Variants in ROBO2 observed in about 807,000 individuals in gnomAD.
The protein encoded by ROBO2 is roundabout guidance receptor 2.
ROBO2 carries 53 observed loss-of-function variants against 160.8 expected under a neutral mutation model. The ratio of observed to expected loss-of-function variants is 0.33; its 90% confidence interval spans 0.26 to 0.41. ROBO2 has a LOEUF of 0.41. Ranked by LOEUF, ROBO2 falls within the 10% of genes least tolerant of loss-of-function variation. The pLI, the probability that ROBO2 is intolerant of heterozygous loss-of-function variation, is 1.00. For synonymous variants in ROBO2, 664 were observed against 611.7 expected, an observed-to-expected ratio of 1.09 and a Z score of -1.26; for missense variants, 1,577 against 1,722.4, an observed-to-expected ratio of 0.92 and a Z score of 1.49.
At chr3:76,798,440 T>C (rs1401228819) in intron 2 of ROBO2, among the ~76,000 whole-genome samples, 1 of 152,180 alleles carries the variant, frequency 6.6e-6, no homozygotes, top group Non-Finnish European at 1.5e-5. Flanking sequence ...CAATAGGGAT[T>C]CATACCAGTG....
intron 2 of ROBO2, among the ~76,000 whole-genome samples, chr3:77,365,164 A>G (rs1467494533): frequency 1.5e-4 from 22 of 151,610 alleles, no homozygotes; most frequent in African/African-American, 3.4e-4. Context: ...AAAAAAAAAA[A>G]AAAGAAAGAA....
intron 2 of ROBO2, 110 bp from the exon 3 acceptor site, chr3:77,477,304 C>A: frequency 9.2e-7 from 1 of 1,091,758 alleles, no homozygotes; most frequent in Non-Finnish European, 1.4e-6. Flanking sequence ...AGTAAAAATC[C>A]AGGCAATTTT....
chr3:76,762,445 G>GT (rs71104618), intron 2 of ROBO2, among the ~76,000 whole-genome samples: 28,118 of 140,100 alleles, frequency 0.2, 2,817 homozygotes, highest in Non-Finnish European at 0.23. Flanking sequence ...GAATCCAGCT[G>GT]TTTTTTTTTT....
In ROBO2 at chr3:76,683,463, GAA is replaced by G. The variant is rs5850282; in HGVS notation, c.110-414535_110-414534del. The stretch of plus-strand genomic sequence containing the variant: ...GTTCTTTTTATAAGTAACCCCCACC[GAA>G]AAAAAAAAAAAAAAACCTGGAAAAC... On this transcript the variant is annotated intron_variant, in intron 2 of 26. Transcript: ENST00000487694. Among the ~76,000 whole-genome samples the G allele has an allele frequency of 3.1e-3, 369 of 117,672 alleles. 2 individuals carry two copies. Among genetic ancestry groups the G allele is most frequent in the African/African-American group, 0.01 (349 of 33,508 alleles). The allele number at this position is 117,672 out of a possible 152,430, so 77.2% of individuals were successfully genotyped here. A position where few individuals can be genotyped will look rare whatever the true frequency, so the allele number is the denominator to read the frequency against.
chr3:76,104,387 T>C (rs2069832492), intron 2 of ROBO2, among the ~76,000 whole-genome samples: 2 of 152,164 alleles, frequency 1.3e-5, no homozygotes, highest in African/African-American at 4.8e-5. Flanking sequence ...TTTAAAACTA[T>C]AAAGGAAAGA....
chr3:76,144,538 C>CT (rs1262577503), intron 2 of ROBO2, among the ~76,000 whole-genome samples: 1 of 151,960 alleles, frequency 6.6e-6, no homozygotes, highest in Non-Finnish European at 1.5e-5. Context: ...TTATACATCC[C>CT]TATGTGAATT....
At chr3:76,074,835 T>A (rs2107986219) in intron 2 of ROBO2, among the ~76,000 whole-genome samples, 1 of 152,212 alleles carries the variant, frequency 6.6e-6, no homozygotes, top group Admixed American at 6.5e-5. Context: ...AGACACAACA[T>A]AAATTGATCA....
chr3:76,465,460 A>ATTTTGC (rs1459635075), intron 2 of ROBO2, among the ~76,000 whole-genome samples: 1 of 152,108 alleles, frequency 6.6e-6, no homozygotes, highest in East Asian at 1.9e-4. Context: ...AAGCCATTGT[A>ATTTTGC]TTTTGCTTTT....
chr3:76,892,241 C>T (rs1042987176), intron 2 of ROBO2, among the ~76,000 whole-genome samples: 4 of 150,428 alleles, frequency 2.7e-5, no homozygotes, highest in Non-Finnish European at 5.9e-5. Flanking sequence ...GGAGATGTGC[C>T]AACTGCACAC....
At chr3:77,190,877 G>T (rs4683980) in intron 2 of ROBO2, among the ~76,000 whole-genome samples, 3 of 151,748 alleles carry the variant, frequency 2.0e-5, no homozygotes, top group Non-Finnish European at 4.4e-5. Context: ...TACAAGAATG[G>T]TTAGGTAACC....
At chr3:77,484,230 A>G (rs1315296525) in intron 4 of ROBO2, among the ~76,000 whole-genome samples, 1 of 152,044 alleles carries the variant, frequency 6.6e-6, no homozygotes, top group Non-Finnish European at 1.5e-5. Flanking sequence ...ACCTTCCTGA[A>G]GTATAGTCCC....
intron 2 of ROBO2, among the ~76,000 whole-genome samples, chr3:76,954,039 G>A (rs1421500110): frequency 2.0e-5 from 3 of 152,160 alleles, no homozygotes; most frequent in East Asian, 3.9e-4. Context: ...ACAACGAAAC[G>A]AGAGAAAATT....
intron 1 of ROBO2, among the ~76,000 whole-genome samples, chr3:77,094,269 G>T (rs555867551): frequency 2.0e-5 from 3 of 152,152 alleles, no homozygotes; most frequent in South Asian, 4.1e-4. Context: ...ATTGCAACTA[G>T]CTCCTTTCAC....
intron 2 of ROBO2, among the ~76,000 whole-genome samples, chr3:77,326,698 G>A (rs979676310): frequency 7.2e-5 from 11 of 152,246 alleles, no homozygotes; most frequent in African/African-American, 2.6e-4. Flanking sequence ...GTATATACCA[G>A]TTGAAAGCAT....
chr3:77,553,789 T>A (rs1369687911), intron 8 of ROBO2, among the ~76,000 whole-genome samples: 1 of 151,862 alleles, frequency 6.6e-6, no homozygotes, highest in Non-Finnish European at 1.5e-5. Flanking sequence ...GAAGAAAAAT[T>A]TGAAGCTACC....
At chr3:76,928,849 A>G (rs2077150442) in intron 2 of ROBO2, among the ~76,000 whole-genome samples, 1 of 152,154 alleles carries the variant, frequency 6.6e-6, no homozygotes, top group Non-Finnish European at 1.5e-5. Context: ...AATGGTTTTA[A>G]ATATATTTTA....
At chr3:76,764,340 C>T (rs1202442649) in intron 2 of ROBO2, among the ~76,000 whole-genome samples, 1 of 151,666 alleles carries the variant, frequency 6.6e-6, no homozygotes, top group African/African-American at 2.4e-5. Flanking sequence ...AAACATGCTT[C>T]CTTTCTGCTC....
intron 2 of ROBO2, among the ~76,000 whole-genome samples, chr3:76,178,265 C>T (rs1359794764): frequency 6.6e-6 from 1 of 151,944 alleles, no homozygotes; most frequent in African/African-American, 2.4e-5. Context: ...TTTTCAAGTC[C>T]GTATTTCTCA....
chr3:77,143,687 T>C (rs2076902318), intron 2 of ROBO2, among the ~76,000 whole-genome samples: 1 of 152,136 alleles, frequency 6.6e-6, no homozygotes, highest in South Asian at 2.1e-4. Context: ...GTAGAGAAAA[T>C]ATAGAGTCGA....
Sources: allele counts gnomAD v4.1 joint callset (sites outside exome capture counted in the v4.1 genomes callset), GRCh38; gene constraint gnomAD v4.1.1; transcripts MANE v1.5; gene names NCBI Gene and HGNC (gene_info 2026-07-23, HGNC 2026-07-21).